CDKL1: variants seen among roughly 807,000 people sequenced by gnomAD.
CDKL1 encodes cyclin-dependent kinase-like 1.
A neutral mutation model predicts 42.0 loss-of-function variants in CDKL1; 41 were observed. That is an observed-to-expected ratio of 0.98 (90% CI 0.76 to 1.27). The LOEUF (loss-of-function observed/expected upper bound fraction) is 1.27. CDKL1 is among the 50% of genes most tolerant of loss of function. The pLI is 0.00. For missense variants in CDKL1, 394 were observed against 428.4 expected (o/e 0.92, Z 0.71); for synonymous variants, 153 against 158.6 (o/e 0.96, Z 0.26).
intron 4 of CDKL1, chr14:50,342,754 G>T: frequency 1.6e-6 from 1 of 631,490 alleles, no homozygotes; most frequent in Non-Finnish European, 2.2e-6. Flanking sequence ...ACTGTGAACA[G>T]AACACAGTCA....
Position 50,332,024 on chromosome 14 carries a change from T to C in CDKL1, c.966+238A>G, listed in dbSNP as rs11570879. 5.4e-3 allele frequency: 8,233 copies of C among 1,537,628 alleles called. 150 individuals carry two copies. The highest frequency in any genetic ancestry group is 0.051 in the African/African-American group (3,729 of 73,098). ...TGTTGAGACCTGTGCTCATGCAGGC[T>C]GGAAACCCTGGCCCCTGTGTGGCAT... is the stretch of plus-strand genomic sequence containing the variant. On this transcript the variant is annotated intron_variant, in intron 9 of 9. Coordinates refer to ENST00000395834, the MANE Select transcript of CDKL1 (RefSeq NM_004196.7).
Position 50,396,278 on chromosome 14 carries a change from C to T in CDKL1, c.-410G>A, listed in dbSNP as rs2035405108. ...GAAAACGTCGCTTATAAAATATTGG[C>T]ACCAACGGACTGCACTAGAGCCCCA... On this transcript the variant is annotated 5_prime_UTR_variant, in exon 2 of 10. Transcript: ENST00000395834. 18 of 1,026,908 alleles carry T rather than the reference C, an allele frequency of 1.8e-5. No individual in the cohort carries two copies. In the South Asian group the frequency reaches 2.2e-4, roughly 13 times the overall value. 63.6% of individuals were successfully genotyped at this position (1,026,908 alleles called of 1,614,324 possible).
At chr14:50,395,480 T>C (rs932967525) in intron 2 of CDKL1, among the ~76,000 whole-genome samples, 1 of 152,232 alleles carries the variant, frequency 6.6e-6, no homozygotes, top group South Asian at 2.1e-4. Context: ...ACTCACTTTA[T>C]TTCTTTCATC....
chr14:50,350,837 G>T (rs1019438299), intron 3 of CDKL1, among the ~76,000 whole-genome samples: 3 of 152,166 alleles, frequency 2.0e-5, no homozygotes, highest in Non-Finnish European at 4.4e-5. Context: ...CAGTTGCCTT[G>T]TTGAGAGCTC....
chr14:50,378,101 T>C, intron 2 of CDKL1: 1 of 1,272,900 alleles, frequency 7.9e-7, no homozygotes, highest in African/African-American at 1.5e-5. Context: ...AATCTGAAAT[T>C]CTCAAATTTC....
intron 3 of CDKL1, among the ~76,000 whole-genome samples, chr14:50,348,776 A>G (rs1164499698): frequency 6.6e-6 from 1 of 152,234 alleles, no homozygotes; most frequent in Non-Finnish European, 1.5e-5. Flanking sequence ...GTAGAAGACC[A>G]GAACAAACAG....
Position 50,329,348 on chromosome 14 carries a change from A to G in CDKL1, c.*726T>C, listed in dbSNP as rs1486920592. On this transcript the variant is annotated 3_prime_UTR_variant, in exon 10 of 10. Coordinates refer to ENST00000395834, the MANE Select transcript of CDKL1 (RefSeq NM_004196.7). ...TTAATCAGCTGCCGAGCTTCATGCC[A>G]TTGTTTACAAGGGGAATTGGGTGAA... The G allele has an allele frequency of 6.6e-6, 1 of 152,180 alleles. No homozygotes were observed. Among genetic ancestry groups the G allele is most frequent in the Non-Finnish European group, 1.5e-5 (1 of 68,046 alleles). The allele number at this position is 152,180 out of a possible 1,614,324, so 9.4% of individuals were successfully genotyped here. A position where few individuals can be genotyped will look rare whatever the true frequency, so the allele number is the denominator to read the frequency against.
chr14:50,352,836 T>C (rs17122433), intron 3 of CDKL1, among the ~76,000 whole-genome samples: 3,853 of 152,298 alleles, frequency 0.025, 169 homozygotes, highest in African/African-American at 0.086. Context: ...GCCTGTCATA[T>C]AAAACTAGAG....
intron 3 of CDKL1, among the ~76,000 whole-genome samples, chr14:50,358,636 CTTT>C (rs71118873): frequency 1.0e-4 from 7 of 67,664 alleles, no homozygotes; most frequent in South Asian, 5.4e-4. Flanking sequence ...TTTAACTAGT[CTTT>C]TTTTTTTTTT....
At chr14:50,361,332 C>T (rs2034240033) in intron 2 of CDKL1, among the ~76,000 whole-genome samples, 1 of 152,176 alleles carries the variant, frequency 6.6e-6, no homozygotes, top group African/African-American at 2.4e-5. Flanking sequence ...ATGTGAAATT[C>T]CTGCTCCAGA....
At chr14:50,359,797 T>TA (rs10672836) in intron 2 of CDKL1, among the ~76,000 whole-genome samples, 2,288 of 120,890 alleles carry the variant, frequency 0.019, 72 homozygotes, top group African/African-American at 0.048. Flanking sequence ...GTGTCTAGAT[T>TA]AAAAAAAAAA....
At chr14:50,338,443 G>T (rs377081366) in intron 7 of CDKL1, among the ~76,000 whole-genome samples, 47 of 152,244 alleles carry the variant, frequency 3.1e-4, no homozygotes, top group African/African-American at 1.0e-3. Context: ...GGCCAGGCTG[G>T]TCTGGAACTC....
At chr14:50,377,580 C>T (rs147712236) in intron 2 of CDKL1, 157 of 1,348,076 alleles carry the variant, frequency 1.2e-4, no homozygotes, top group Admixed American at 2.2e-4. Flanking sequence ...GAATGGAATT[C>T]TGGAACTGGA....
intron 2 of CDKL1, among the ~76,000 whole-genome samples, chr14:50,386,759 T>C (rs925086359): frequency 4.6e-5 from 7 of 151,704 alleles, no homozygotes; most frequent in African/African-American, 1.5e-4. Flanking sequence ...ACCCCATCTC[T>C]ACAAAGAATA....
At position 50,363,395 on chromosome 14, in the gene CDKL1, G is replaced by A. The variant is rs11570808; in HGVS notation, c.169-4246C>T. ...TCTCCAAACATAGTAGGATAGAACT[G>A]ACTACTGTCTTAAACCTCTGAATTG... On this transcript the variant is annotated intron_variant, in intron 2 of 9. Transcript: ENST00000395834. The A allele has an allele frequency of 7.8e-3, 1,206 of 154,316 alleles. 39 individuals carry two copies. The highest frequency in any genetic ancestry group is 0.054 in the Admixed American group (842 of 15,534). 9.6% of individuals were successfully genotyped at this position (154,316 alleles called of 1,614,324 possible).
chr14:50,390,383 A>G, intron 2 of CDKL1: 1 of 1,361,830 alleles, frequency 7.3e-7, no homozygotes, highest in Non-Finnish European at 9.8e-7. Flanking sequence ...GCTGGCAGAA[A>G]TTCTTTCTTT....
At chr14:50,339,437 AT>A (rs912436004) in intron 6 of CDKL1, among the ~76,000 whole-genome samples, 3 of 148,728 alleles carry the variant, frequency 2.0e-5, no homozygotes, top group African/African-American at 7.4e-5. Context: ...TGAAGATAAA[AT>A]TTTATTGCCC....
rs2034938296 is a variant in CDKL1, at chr14:50,382,393, G to T, written c.168+13308C>A. 2.0e-5 allele frequency among the ~76,000 whole-genome samples: 3 copies of T among 152,166 alleles called. No homozygotes were observed. In the South Asian group the frequency reaches 6.2e-4, roughly 31 times the overall value. The stretch of plus-strand genomic sequence containing the variant: ...GTGAACCCGGGAGGTGGAGCTTGCA[G>T]TGAGCTGAGATCGTGCCACTGCACT... On this transcript the variant is annotated intron_variant, in intron 2 of 9. Coordinates refer to ENST00000395834, the MANE Select transcript of CDKL1 (RefSeq NM_004196.7).
intron 2 of CDKL1, among the ~76,000 whole-genome samples, chr14:50,388,276 T>C (rs994217603): frequency 1.3e-5 from 2 of 152,258 alleles, no homozygotes; most frequent in Non-Finnish European, 2.9e-5. Context: ...AATTAGATTC[T>C]AATGCTAGGG....
Sources: allele counts gnomAD v4.1 joint callset (sites outside exome capture counted in the v4.1 genomes callset), GRCh38; gene constraint gnomAD v4.1.1; transcripts MANE v1.5; gene names NCBI Gene and HGNC (gene_info 2026-07-23, HGNC 2026-07-21).